The following ATRNL1 variants were observed in gnomAD, a reference collection of about 807,000 sequenced individuals.
The protein encoded by ATRNL1 is attractin like 1.
In ATRNL1, 95 loss-of-function variants were observed where a neutral mutation model predicts 182.7. The ratio of observed to expected loss-of-function variants is 0.52; its 90% CI spans 0.44 to 0.62. The LOEUF is 0.62. Among genes scored for constraint, ATRNL1 ranks in the 20% least tolerant of loss-of-function variants. The probability of loss-of-function intolerance (pLI) is 0.00; values close to 1 mark genes in which losing one functional copy is unlikely to be tolerated. For missense variants in ATRNL1, 1,471 were observed against 1,679.5 expected, an observed-to-expected ratio of 0.88 and a Z score of 2.17; for synonymous variants, 576 against 568.3, an observed-to-expected ratio of 1.01 and a Z score of -0.19.
At chr10:115,475,480 T>C (rs1279841646) in intron 24 of ATRNL1, among the ~76,000 whole-genome samples, 1 of 151,486 alleles carries the variant, frequency 6.6e-6, no homozygotes, top group African/African-American at 2.4e-5. Context: ...TTATAGTATT[T>C]AATTCTCTGT....
chr10:115,819,087 C>T (rs1310229764), intron 27 of ATRNL1, among the ~76,000 whole-genome samples: 1 of 152,030 alleles, frequency 6.6e-6, no homozygotes, highest in East Asian at 1.9e-4. Context: ...AGGCATCCCT[C>T]CTAGGCTCTC....
Position 115,190,365 on chromosome 10 carries a change from G to C in ATRNL1, c.1348+19073G>C, listed in dbSNP as rs572144185. ...ATATTATACATATCCTTGAAAATTT[G>C]CACTGACTATATTAAAAAGTTTTAG... On this transcript the variant is annotated intron_variant, in intron 8 of 28. Coordinates refer to ENST00000355044, the MANE Select transcript of ATRNL1 (RefSeq NM_207303.4). Among the ~76,000 whole-genome samples the C allele has an allele frequency of 4.6e-5, 7 of 152,082 alleles. No homozygotes were observed. In the East Asian group the frequency reaches 7.7e-4, roughly 17 times the overall value.
intron 10 of ATRNL1, among the ~76,000 whole-genome samples, chr10:115,263,742 CAT>C (rs1851489023): frequency 6.6e-6 from 1 of 151,740 alleles, no homozygotes; most frequent in Admixed American, 6.6e-5. Flanking sequence ...TTAACTCTAA[CAT>C]GTAAAATTGG....
At chr10:115,546,454 T>C (rs926806631) in intron 25 of ATRNL1, among the ~76,000 whole-genome samples, 2 of 151,618 alleles carry the variant, frequency 1.3e-5, no homozygotes, top group African/African-American at 2.4e-5. Context: ...TAGTCCCAGC[T>C]ACTCAGGAGG....
intron 28 of ATRNL1, among the ~76,000 whole-genome samples, chr10:115,914,424 A>G (rs1952782074): frequency 6.6e-6 from 1 of 152,172 alleles, no homozygotes; most frequent in Non-Finnish European, 1.5e-5. Flanking sequence ...ACCAAAGAGC[A>G]GGGATTTGGG....
chr10:115,758,659 G>A (rs549721622), intron 27 of ATRNL1, among the ~76,000 whole-genome samples: 4 of 152,356 alleles, frequency 2.6e-5, no homozygotes, highest in African/African-American at 9.6e-5. Context: ...CAAACACTGT[G>A]CTGGGAGAAC....
At chr10:115,842,405 C>G (rs1317873726) in intron 27 of ATRNL1, among the ~76,000 whole-genome samples, 1 of 152,072 alleles carries the variant, frequency 6.6e-6, no homozygotes, top group Admixed American at 6.6e-5. Flanking sequence ...TTTCACCATA[C>G]TTAGACAAAC....
chr10:115,350,955 A>G (rs1554941123), intron 19 of ATRNL1, among the ~76,000 whole-genome samples: 1 of 151,970 alleles, frequency 6.6e-6, no homozygotes, highest in Non-Finnish European at 1.5e-5. Context: ...TCAGTGTTTT[A>G]TAGTTTTAAT....
At chr10:115,877,034 C>T (rs1420637878) in intron 28 of ATRNL1, among the ~76,000 whole-genome samples, 1 of 152,070 alleles carries the variant, frequency 6.6e-6, no homozygotes, top group Non-Finnish European at 1.5e-5. Context: ...AACTTTTGTG[C>T]TTTATAAGCA....
Position 115,215,705 on chromosome 10 carries a change from A to G in ATRNL1, c.1357A>G (p.Thr453Ala). ...TTTTATTTCTGTTACAGCATCAAAC[A>G]CTTGGCTTGTTCCAGAAACTAAAGG... Reference protein sequence around the residue: ...SIQEYHISSNTWLVPETKGAI... With the variant: ...SIQEYHISSNAWLVPETKGAI... The change falls in exon 9 of 29, where the codon ACT (threonine) becomes GCT (alanine). Residue 453 changes from threonine (T) to alanine (A), a missense_variant. By Grantham distance (58) the Thr-to-Ala change is moderately conservative (BLOSUM62 0). This residue lies in a region of ATRNL1 where 1,031 missense variants were observed against 1,156.0 expected (regional missense o/e 0.89). Transcript: ENST00000355044. 1 of 1,594,630 alleles carries G rather than the reference A, an allele frequency of 6.3e-7. No homozygotes were observed. Among genetic ancestry groups the G allele is most frequent in the Non-Finnish European group, 8.5e-7 (1 of 1,173,716 alleles).
At chr10:115,223,353 T>C (rs1442509711) in intron 9 of ATRNL1, among the ~76,000 whole-genome samples, 4 of 152,156 alleles carry the variant, frequency 2.6e-5, no homozygotes, top group African/African-American at 9.7e-5. Context: ...AATTTTTGGA[T>C]TGGATATAAA....
At position 115,933,642 on chromosome 10, in the gene ATRNL1, C is replaced by G. The variant is rs114753812; in HGVS notation, c.4019-11016C>G. On this transcript the variant is annotated intron_variant, in intron 28 of 28. Transcript: ENST00000355044. ...CAACTGCTTTCCAAGAGAAATTTCT[C>G]AAGAGACATGCTGAATTTCAAGTCA... Among the ~76,000 whole-genome samples the G allele has an allele frequency of 2.7e-3, 407 of 152,318 alleles. 1 individual carries two copies. Among genetic ancestry groups the G allele is most frequent in the African/African-American group, 9.4e-3 (389 of 41,582 alleles).
At chr10:115,837,650 C>T (rs2134328412) in intron 27 of ATRNL1, among the ~76,000 whole-genome samples, 1 of 152,254 alleles carries the variant, frequency 6.6e-6, no homozygotes. Flanking sequence ...TCTGAGCTTT[C>T]TAACACTAGC....
intron 26 of ATRNL1, among the ~76,000 whole-genome samples, chr10:115,628,097 A>G (rs2133822134): frequency 6.6e-6 from 1 of 151,542 alleles, no homozygotes; most frequent in South Asian, 2.1e-4. Flanking sequence ...CAGTGAGCCA[A>G]GATCGCACCA....
At chr10:115,926,039 G>T (rs1029605198) in intron 28 of ATRNL1, among the ~76,000 whole-genome samples, 2 of 152,072 alleles carry the variant, frequency 1.3e-5, no homozygotes, top group Non-Finnish European at 2.9e-5. Flanking sequence ...AAATGCAAAA[G>T]AACTAAAATC....
intron 26 of ATRNL1, among the ~76,000 whole-genome samples, chr10:115,587,369 C>G (rs1350849889): frequency 6.6e-6 from 1 of 151,818 alleles, no homozygotes; most frequent in Non-Finnish European, 1.5e-5. Flanking sequence ...TCGCTGCCGC[C>G]TTGCAGTTTG....
At chr10:115,166,144 G>A (rs1554884316) in intron 7 of ATRNL1, among the ~76,000 whole-genome samples, 6 of 151,850 alleles carry the variant, frequency 4.0e-5, no homozygotes, top group Non-Finnish European at 5.9e-5. Context: ...CATGTAAATG[G>A]GATTGTACAT....
rs375127246 is a variant in ATRNL1, at chr10:115,381,432, A to ATTTTTTTTTTTTTTTTTTTTT, written c.3176-13210_3176-13209insTTTTTTTTTTTTTTTTTTTTT. The stretch of plus-strand genomic sequence containing the variant: ...CAGGCACATGCCACCATACCTGGCA[A>ATTTTTTTTTTTTTTTTTTTTT]TTTTTTTTTTTTTTTTTAGTAGACA... On this transcript the variant is annotated intron_variant, in intron 19 of 28. Transcript: ENST00000355044. 3.9e-3 allele frequency among the ~76,000 whole-genome samples: 266 copies of ATTTTTTTTTTTTTTTTTTTTT among 68,490 alleles called. 60 individuals are homozygous for ATTTTTTTTTTTTTTTTTTTTT. The highest frequency in any genetic ancestry group is 1.0e-2 in the African/African-American group (166 of 16,680). 44.9% of individuals were successfully genotyped at this position (68,490 alleles called of 152,430 possible).
At chr10:115,684,459 T>A (rs1946154637) in intron 26 of ATRNL1, among the ~76,000 whole-genome samples, 1 of 151,030 alleles carries the variant, frequency 6.6e-6, no homozygotes, top group Non-Finnish European at 1.5e-5. Context: ...TTTTTTTTTT[T>A]ATTTTTCCTC....
Sources: gnomAD v4.1 joint callset for allele counts (sites outside exome capture counted in the v4.1 genomes callset) on GRCh38, gnomAD v4.1.1 for gene constraint, gnomAD v4.1.1 regional missense constraint, MANE v1.5 for transcripts, NCBI Gene and HGNC (gene_info 2026-07-23, HGNC 2026-07-21) for gene names.